Variants in RAD51B observed in about 807,000 individuals in gnomAD.
RAD51B encodes the protein RAD51 paralog B, also known as DNA repair protein RAD51 homolog 2.
RAD51B carries 38 observed loss-of-function variants against 42.2 expected under a neutral mutation model. That is an observed-to-expected ratio of 0.90 (90% CI 0.70 to 1.18). The LOEUF is 1.18. Ranked by LOEUF, RAD51B falls within the 50% of genes most tolerant of loss-of-function variation. The pLI, the probability that RAD51B is intolerant of heterozygous loss-of-function variation, is 0.00. For missense variants in RAD51B, 373 were observed against 400.7 expected (o/e 0.93, Z 0.59); for synonymous variants, 154 against 145.2 (o/e 1.06, Z -0.43).
intron 8 of RAD51B, among the ~76,000 whole-genome samples, chr14:68,303,473 A>G (rs77072412): frequency 4.7e-4 from 71 of 150,324 alleles, no homozygotes; most frequent in Non-Finnish European, 7.3e-4. Flanking sequence ...AAAAAAAAAA[A>G]AAAGAAAAGA....
intron 10 of RAD51B, among the ~76,000 whole-genome samples, chr14:68,498,047 C>T (rs1201364218): frequency 6.6e-6 from 1 of 152,196 alleles, no homozygotes; most frequent in African/African-American, 2.4e-5. Flanking sequence ...ATTTACTTGA[C>T]ATATGGTGAT....
chr14:68,168,380 T>G (rs2078797497), intron 7 of RAD51B, among the ~76,000 whole-genome samples: 1 of 152,136 alleles, frequency 6.6e-6, no homozygotes, highest in South Asian at 2.1e-4. Flanking sequence ...ACATATACCA[T>G]GGTAAAGCAG....
intron 7 of RAD51B, among the ~76,000 whole-genome samples, chr14:68,290,786 A>G (rs1207822575): frequency 8.0e-6 from 1 of 125,396 alleles, no homozygotes; most frequent in Non-Finnish European, 1.7e-5. Context: ...ATTTTATTTT[A>G]TTTATTTATT....
rs559439842 is a variant in RAD51B, at chr14:68,280,354, G to A, written c.757-11530G>A. On this transcript the variant is annotated intron_variant, in intron 7 of 10. Transcript: ENST00000471583. ...TGAGGAAATTAATCCACAAATATCCGTGGGACCATGAGTTTTCATATTGAG... is the reference window on the plus strand; with the variant it reads ...TGAGGAAATTAATCCACAAATATCCATGGGACCATGAGTTTTCATATTGAG... Among the ~76,000 whole-genome samples, 39 of 152,138 alleles carry A rather than the reference G, an allele frequency of 2.6e-4. 1 individual carries two copies. The highest frequency in any genetic ancestry group is 2.0e-3 in the Admixed American group (30 of 15,284).
At chr14:68,628,982 C>T (rs141224576) in intron 10 of RAD51B, among the ~76,000 whole-genome samples, 15 of 152,290 alleles carry the variant, frequency 9.8e-5, no homozygotes, top group African/African-American at 3.6e-4. Context: ...CAAACCAACC[C>T]GAACGGGTTG....
At chr14:67,932,987 T>G (rs1039865748) in intron 7 of RAD51B, among the ~76,000 whole-genome samples, 1 of 152,198 alleles carries the variant, frequency 6.6e-6, no homozygotes, top group African/African-American at 2.4e-5. Context: ...TGTGTAAACC[T>G]GAGCACAGAG....
intron 7 of RAD51B, among the ~76,000 whole-genome samples, chr14:68,067,930 T>G (rs1288793421): frequency 2.5e-5 from 1 of 39,314 alleles, no homozygotes; most frequent in Non-Finnish European, 4.1e-5. Context: ...AGACTCCATC[T>G]CAAAAAAAAA....
At chr14:68,168,011 G>T (rs749059848) in intron 7 of RAD51B, among the ~76,000 whole-genome samples, 4 of 151,954 alleles carry the variant, frequency 2.6e-5, no homozygotes, top group Non-Finnish European at 5.9e-5. Context: ...TCGTGATTTG[G>T]ACTACTCTGA....
At chr14:68,454,672 A>G (rs1193185828) in intron 9 of RAD51B, among the ~76,000 whole-genome samples, 2 of 152,202 alleles carry the variant, frequency 1.3e-5, no homozygotes, top group Non-Finnish European at 2.9e-5. Context: ...AAAAAGCTCC[A>G]TTCTCAGGGC....
At chr14:68,446,241 A>G (rs535606984) in intron 9 of RAD51B, among the ~76,000 whole-genome samples, 1 of 152,308 alleles carries the variant, frequency 6.6e-6, no homozygotes, top group East Asian at 1.9e-4. Flanking sequence ...GAAATGGGCT[A>G]TGGAGATTAT....
chr14:68,236,001 C>T (rs2080248959), intron 7 of RAD51B, among the ~76,000 whole-genome samples: 2 of 151,984 alleles, frequency 1.3e-5, no homozygotes. Flanking sequence ...GAGAGCTAAA[C>T]ATTGAGCTAA....
At chr14:68,316,877 C>A (rs964582664) in intron 8 of RAD51B, among the ~76,000 whole-genome samples, 1 of 152,104 alleles carries the variant, frequency 6.6e-6, no homozygotes, top group Non-Finnish European at 1.5e-5. Flanking sequence ...TGTAAGTATA[C>A]AATTCAATGA....
At chr14:68,293,475 T>A (rs1225561360) in intron 8 of RAD51B, among the ~76,000 whole-genome samples, 1 of 152,138 alleles carries the variant, frequency 6.6e-6, no homozygotes, top group Non-Finnish European at 1.5e-5. Context: ...TTTCAACCCT[T>A]CATAATCTGT....
chr14:68,596,733 C>G (rs1339739529), downstream of RAD51B, among the ~76,000 whole-genome samples: 2 of 152,270 alleles, frequency 1.3e-5, no homozygotes, highest in Non-Finnish European at 2.9e-5. Context: ...CTTTCAGCTA[C>G]TCCTCATCAC....
chr14:68,462,395 A>G (rs1269544432), intron 9 of RAD51B, among the ~76,000 whole-genome samples: 1 of 152,232 alleles, frequency 6.6e-6, no homozygotes, highest in Admixed American at 6.5e-5. Flanking sequence ...GCCAAGCACA[A>G]AGAAAAGAGC....
At chr14:68,560,556 T>G (rs1889093368) in intron 10 of RAD51B, among the ~76,000 whole-genome samples, 1 of 152,052 alleles carries the variant, frequency 6.6e-6, no homozygotes, top group Admixed American at 6.6e-5. Flanking sequence ...GCCAACATGG[T>G]GAAACCCCAT....
intron 10 of RAD51B, among the ~76,000 whole-genome samples, chr14:68,512,441 T>A (rs943138051): frequency 2.6e-5 from 4 of 152,202 alleles, no homozygotes; most frequent in African/African-American, 9.7e-5. Flanking sequence ...TGGCACTGAG[T>A]TCTGGATTAT....
intron 7 of RAD51B, among the ~76,000 whole-genome samples, chr14:68,194,500 C>T (rs575584880): frequency 4.2e-4 from 64 of 152,298 alleles, no homozygotes; most frequent in Non-Finnish European, 6.9e-4. Context: ...AAGTGCCACA[C>T]GGCTAACTAC....
At chr14:68,330,714 A>G (rs1461829559) in intron 8 of RAD51B, among the ~76,000 whole-genome samples, 3 of 152,360 alleles carry the variant, frequency 2.0e-5, no homozygotes, top group African/African-American at 7.2e-5. Context: ...AAAACAAAGG[A>G]ATACTAGCAT....
Sources: allele counts gnomAD v4.1 joint callset (sites outside exome capture counted in the v4.1 genomes callset), GRCh38; gene constraint gnomAD v4.1.1; transcripts MANE v1.5; gene names NCBI Gene and HGNC (gene_info 2026-07-23, HGNC 2026-07-21).